The following FAM13A variants were observed in gnomAD, a reference collection of about 807,000 sequenced individuals.
The protein encoded by FAM13A is family with sequence similarity 13 member A.
Under a neutral mutation model 129.6 loss-of-function variants are expected in FAM13A, and 76 were observed. The ratio of observed to expected loss-of-function variants is 0.59; its 90% CI spans 0.49 to 0.71. The LOEUF is 0.71. Ranked by LOEUF, FAM13A falls within the 30% of genes least tolerant of loss-of-function variation. The pLI is 0.00. For missense variants in FAM13A, 1,108 were observed against 1,249.3 expected, an observed-to-expected ratio of 0.89 and a Z score of 1.70; for synonymous variants, 443 against 449.9, an observed-to-expected ratio of 0.98 and a Z score of 0.20.
In FAM13A at chr4:88,731,381, C is replaced by T. The variant is rs762488053; in HGVS notation, c.2891G>A (p.Arg964Lys). The T allele has an allele frequency of 3.1e-6, 5 of 1,607,530 alleles. No individual in the cohort carries two copies. In the East Asian group the frequency reaches 1.1e-4, roughly 36 times the overall value. Reference protein sequence around the residue: ...HLQEMREEKKRIRKKLRDFED... With the variant: ...HLQEMREEKKKIRKKLRDFED... ...AAAATCCCGAAGTTTCTTTCGAATCCTTTTCTTTTCTTCTCTCATTTCCTG... is the reference window on the plus strand; with the variant it reads ...AAAATCCCGAAGTTTCTTTCGAATCTTTTTCTTTTCTTCTCTCATTTCCTG... Residue 964 changes from arginine to lysine, a missense_variant, in exon 23 of 24, where the codon AGG (arginine) becomes AAG (lysine). Arg to Lys is a conservative substitution (Grantham distance 26). Coordinates refer to ENST00000264344, the MANE Select transcript of FAM13A (RefSeq NM_014883.4).
Position 88,838,355 on chromosome 4 carries a change from G to T in FAM13A, c.1007+12665C>A, listed in dbSNP as rs114984354. On this transcript the variant is annotated intron_variant, in intron 7 of 23. Coordinates refer to ENST00000264344, the MANE Select transcript of FAM13A (RefSeq NM_014883.4). ...AGAAGTGCTAAAATAAAAGTGCCAT[G>T]AACAAAAATCTTGAAGCTCTATCTT... Among the ~76,000 whole-genome samples the T allele has an allele frequency of 6.6e-3, 1,000 of 151,608 alleles. 17 individuals carry two copies. The highest frequency in any genetic ancestry group is 0.023 in the African/African-American group (957 of 41,024).
chr4:89,054,968 A>C (rs1772040184), intron 1 of FAM13A, among the ~76,000 whole-genome samples: 2 of 152,134 alleles, frequency 1.3e-5, no homozygotes, highest in African/African-American at 2.4e-5. Context: ...TCTCTTCCCC[A>C]AAAAGAAGGC....
chr4:88,981,076 A>G (rs2148986216), intron 4 of FAM13A, among the ~76,000 whole-genome samples: 1 of 152,298 alleles, frequency 6.6e-6, no homozygotes, highest in Middle Eastern at 3.4e-3. Flanking sequence ...AATACCTACA[A>G]AATTATTTTT....
chr4:88,834,055 ATTTTTTTT>A (rs922832858), intron 7 of FAM13A, among the ~76,000 whole-genome samples: 11 of 84,200 alleles, frequency 1.3e-4, no homozygotes, highest in African/African-American at 3.9e-4. Flanking sequence ...AGGCCTGGCT[ATTTTTTTT>A]TTTTTTTTTT....
chr4:88,911,608 T>C lies in FAM13A; in HGVS notation c.760-5146A>G, dbSNP rs370552696. Among the ~76,000 whole-genome samples the C allele has an allele frequency of 1.3e-3, 199 of 152,260 alleles. 7 individuals are homozygous for C. In the South Asian group the frequency reaches 0.041, roughly 31 times the overall value. ...TCAATCCTCTCTGCCTTCCCTGTTG[T>C]TGCAATGAGAGATAAGACTGGTTGT... On this transcript the variant is annotated intron_variant, in intron 5 of 23. Transcript: ENST00000264344.
intron 7 of FAM13A, among the ~76,000 whole-genome samples, chr4:88,805,999 T>C (rs1440798634): frequency 1.3e-5 from 2 of 152,126 alleles, no homozygotes; most frequent in Non-Finnish European, 2.9e-5. Context: ...GTAACATATA[T>C]GCTATATTTT....
intron 4 of FAM13A, among the ~76,000 whole-genome samples, chr4:88,965,560 GT>G (rs1322890367): frequency 2.3e-5 from 3 of 133,036 alleles, no homozygotes; most frequent in South Asian, 5.4e-4. Context: ...CTTATATGTA[GT>G]TTTTTTAAGT....
intron 7 of FAM13A, among the ~76,000 whole-genome samples, chr4:88,834,469 T>TA (rs1561118668): frequency 2.6e-5 from 4 of 152,154 alleles, no homozygotes; most frequent in Non-Finnish European, 5.9e-5. Context: ...AAAAAAGCAC[T>TA]GAAATTAACT....
rs911984474 is a variant in FAM13A at position 89,052,741 on chromosome 4, G to A, written c.27+4197C>T. On this transcript the variant is annotated intron_variant, in intron 1 of 23. Transcript: ENST00000264344. ...CACCTAGAACTCTCTCTCCCCACTG[G>A]CTATCTTATTTTTAATAGTATCGAT... is the stretch of plus-strand genomic sequence containing the variant. Among the ~76,000 whole-genome samples, 12 of 151,762 alleles carry A rather than the reference G, an allele frequency of 7.9e-5. No individual in the cohort carries two copies. The South Asian group carries it at 2.5e-3, about 32-fold the overall frequency.
At chr4:88,747,899 A>G (rs779870480) in intron 17 of FAM13A, 48 bp from the exon 18 acceptor site, 2 of 1,365,362 alleles carry the variant, frequency 1.5e-6, no homozygotes, top group South Asian at 2.5e-5. Context: ...TTATTTATTT[A>G]TTTATTTTGA....
At chr4:88,961,416 G>A (rs1340547141) in intron 4 of FAM13A, among the ~76,000 whole-genome samples, 1 of 121,468 alleles carries the variant, frequency 8.2e-6, no homozygotes, top group African/African-American at 3.2e-5. Context: ...CATCCAGGCT[G>A]GAGTGCAATG....
chr4:88,959,336 T>A (rs1758261105), intron 4 of FAM13A, among the ~76,000 whole-genome samples: 1 of 152,152 alleles, frequency 6.6e-6, no homozygotes, highest in Admixed American at 6.5e-5. Context: ...GTGTTGGTAG[T>A]GGGGCTTGGT....
At chr4:88,820,457 T>C (rs1214433963) in intron 7 of FAM13A, among the ~76,000 whole-genome samples, 3 of 152,212 alleles carry the variant, frequency 2.0e-5, no homozygotes, top group Non-Finnish European at 2.9e-5. Flanking sequence ...AGAGAAAATA[T>C]TAAACAACAC....
intron 10 of FAM13A, among the ~76,000 whole-genome samples, chr4:88,787,062 T>C (rs1348374378): frequency 6.6e-6 from 1 of 152,066 alleles, no homozygotes; most frequent in East Asian, 1.9e-4. Flanking sequence ...CTATTCTCTA[T>C]ATAAATTTAT....
intron 4 of FAM13A, among the ~76,000 whole-genome samples, chr4:88,972,990 C>A (rs1760339371): frequency 6.6e-6 from 1 of 152,176 alleles, no homozygotes; most frequent in Non-Finnish European, 1.5e-5. Context: ...ATTTTATCCA[C>A]ACTCTTCTTG....
At chr4:88,807,616 G>A (rs898073) in intron 7 of FAM13A, among the ~76,000 whole-genome samples, 7,158 of 152,118 alleles carry the variant, frequency 0.047, 419 homozygotes, top group East Asian at 0.26. Flanking sequence ...AAATGCATTC[G>A]ATGGCCAGTC....
chr4:88,825,825 A>T (rs1561097140), intron 7 of FAM13A, among the ~76,000 whole-genome samples: 2 of 139,206 alleles, frequency 1.4e-5, no homozygotes, highest in African/African-American at 5.5e-5. Context: ...TAAAATGTCA[A>T]TTTTTTTAAA....
At chr4:88,912,578 C>T (rs905830677) in intron 5 of FAM13A, among the ~76,000 whole-genome samples, 1 of 145,140 alleles carries the variant, frequency 6.9e-6, no homozygotes, top group Admixed American at 6.8e-5. Flanking sequence ...TACACACACA[C>T]ACACACACAC....
At chr4:88,756,842 A>G (rs1400864491) in intron 14 of FAM13A, among the ~76,000 whole-genome samples, 6 of 152,240 alleles carry the variant, frequency 3.9e-5, no homozygotes, top group African/African-American at 1.4e-4. Flanking sequence ...AAGCTTAAAA[A>G]AAAAAGGTCA....
Sources: gnomAD v4.1 joint callset for allele counts (sites outside exome capture counted in the v4.1 genomes callset) on GRCh38, gnomAD v4.1.1 for gene constraint, MANE v1.5 for transcripts, NCBI Gene and HGNC (gene_info 2026-07-23, HGNC 2026-07-21) for gene names.